HS1BP3: variants seen among roughly 807,000 people sequenced by gnomAD.
HS1BP3 encodes HCLS1-binding protein 3.
Under a neutral mutation model 33.5 loss-of-function variants are expected in HS1BP3, and 32 were observed. The observed-to-expected ratio is 0.95, with a 90% confidence interval of 0.72 to 1.28. The LOEUF is 1.28. Among genes scored for constraint, HS1BP3 ranks in the 50% most tolerant of loss-of-function variants. The probability of loss-of-function intolerance (pLI) is 0.00; values close to 1 mark genes in which losing one functional copy is unlikely to be tolerated. For synonymous variants in HS1BP3, 187 were observed against 209.2 expected (o/e 0.89, Z 0.92); for missense variants, 486 against 502.3 (o/e 0.97, Z 0.31).
intron 5 of HS1BP3, among the ~76,000 whole-genome samples, chr2:20,573,450 C>A (rs57818033): frequency 0.12 from 18,035 of 152,240 alleles, 1,753 homozygotes; most frequent in African/African-American, 0.28. Flanking sequence ...GGAGACCCCC[C>A]AAGCCCCTAA....
intron 2 of HS1BP3, among the ~76,000 whole-genome samples, chr2:20,644,703 A>G (rs1695462608): frequency 1.3e-5 from 2 of 152,112 alleles, no homozygotes; most frequent in Admixed American, 6.5e-5. Context: ...GGGCTCCCTG[A>G]CACCTGTTTT....
downstream of HS1BP3, chr2:20,592,364 CG>C (rs1339227824): frequency 2.3e-5 from 3 of 131,836 alleles, no homozygotes; most frequent in East Asian, 8.7e-4. Context: ...CTTCCCCTTT[CG>C]GGCCTGTCCC....
chr2:20,613,170 A>T (rs928206829), downstream of HS1BP3, among the ~76,000 whole-genome samples: 2 of 152,244 alleles, frequency 1.3e-5, no homozygotes, highest in Non-Finnish European at 2.9e-5. Context: ...GACCTAGAGC[A>T]CTTGTTAGGG....
At chr2:20,646,048 C>T (rs762518603) in intron 1 of HS1BP3, among the ~76,000 whole-genome samples, 2 of 152,210 alleles carry the variant, frequency 1.3e-5, no homozygotes, top group African/African-American at 2.4e-5. Flanking sequence ...TCTGGGCAGT[C>T]GATGCTGCCC....
chr2:20,649,918 A>G (rs982935671), intron 1 of HS1BP3, among the ~76,000 whole-genome samples: 1 of 152,174 alleles, frequency 6.6e-6, no homozygotes, highest in African/African-American at 2.4e-5. Context: ...GTCACACCCC[A>G]TCCATCTGCA....
At chr2:20,581,827 T>C (rs1415073504) in intron 5 of HS1BP3, among the ~76,000 whole-genome samples, 4 of 152,230 alleles carry the variant, frequency 2.6e-5, no homozygotes. Context: ...TGCAGCTGTA[T>C]GCTGGGGGCC....
downstream of HS1BP3, among the ~76,000 whole-genome samples, chr2:20,559,723 GAT>G (rs1692942175): frequency 1.1e-4 from 15 of 139,528 alleles, no homozygotes; most frequent in Admixed American, 1.0e-3. Context: ...TGGATGGATG[GAT>G]GGATGGATGG....
At chr2:20,580,529 A>G (rs1693508003) in intron 5 of HS1BP3, among the ~76,000 whole-genome samples, 1 of 151,948 alleles carries the variant, frequency 6.6e-6, no homozygotes, top group South Asian at 2.1e-4. Flanking sequence ...CAAAAAAAGA[A>G]AAAAAAAGAA....
the HS1BP3 span, among the ~76,000 whole-genome samples, chr2:20,555,137 G>A: frequency 6.6e-6 from 1 of 152,348 alleles, no homozygotes; most frequent in East Asian, 1.9e-4. Context: ...TAAGCTCACT[G>A]TGGTATCATC....
chr2:20,570,486 C>T (rs949077284), intron 5 of HS1BP3, among the ~76,000 whole-genome samples: 2 of 152,132 alleles, frequency 1.3e-5, no homozygotes, highest in Non-Finnish European at 2.9e-5. Context: ...CATTGGTACT[C>T]GATGTCGCCT....
rs1015945349 is a variant in HS1BP3 at position 20,617,926 on chromosome 2, G to C, written c.*1061C>G. 2.0e-5 allele frequency: 3 copies of C among 152,672 alleles called. No individual in the cohort carries two copies. The highest frequency in any genetic ancestry group is 7.2e-5 in the African/African-American group (3 of 41,462). The allele number at this position is 152,672 out of a possible 1,614,324, so 9.5% of individuals were successfully genotyped here. A position where few individuals can be genotyped will look rare whatever the true frequency, so the allele number is the denominator to read the frequency against. ...GCTCTGGGGGTCGGGAGAAGTCTAAGGCACGGGCCCTGCCCTGGCGCACGG... is the reference window on the plus strand; with the variant it reads ...GCTCTGGGGGTCGGGAGAAGTCTAACGCACGGGCCCTGCCCTGGCGCACGG... On this transcript the variant is annotated 3_prime_UTR_variant, in exon 7 of 7. Transcript: ENST00000304031.
At chr2:20,576,941 C>T (rs1023813976) in intron 5 of HS1BP3, among the ~76,000 whole-genome samples, 10 of 152,212 alleles carry the variant, frequency 6.6e-5, no homozygotes, top group African/African-American at 2.4e-4. Context: ...TGATGGGGAA[C>T]AGAATTCCCA....
intron 2 of HS1BP3, chr2:20,606,654 T>C (rs1005761257): frequency 4.5e-6 from 2 of 442,246 alleles, no homozygotes; most frequent in South Asian, 1.8e-5. Context: ...TTGGGTGGCA[T>C]TGCAAAGCTC....
chr2:20,624,098 C>T (rs2305459), intron 5 of HS1BP3, 67 bp from the exon 6 acceptor site: 534,816 of 1,561,448 alleles, frequency 0.34, 94,247 homozygotes, highest in Non-Finnish European at 0.37. Context: ...GCTGCTCTCT[C>T]TCTGCCCCAC....
chr2:20,600,279 G>T (rs539097808), intron 2 of HS1BP3, among the ~76,000 whole-genome samples: 4 of 152,314 alleles, frequency 2.6e-5, no homozygotes, highest in African/African-American at 9.6e-5. Context: ...CAGCTCAATA[G>T]GGTCCCAAGG....
chr2:20,624,155 C>CA, intron 5 of HS1BP3, 124 bp from the exon 6 acceptor site: 1 of 1,181,098 alleles, frequency 8.5e-7, no homozygotes, highest in Non-Finnish European at 1.2e-6. Context: ...TGCCTCTGCT[C>CA]AACCTGTCAT....
chr2:20,621,884 A>C (rs895567610), intron 6 of HS1BP3, among the ~76,000 whole-genome samples: 3 of 152,220 alleles, frequency 2.0e-5, no homozygotes, highest in African/African-American at 7.2e-5. Context: ...AGTCATGACT[A>C]GGACTAGCTC....
chr2:20,563,969 C>A (rs1370119635), intron 5 of HS1BP3, among the ~76,000 whole-genome samples: 1 of 152,098 alleles, frequency 6.6e-6, no homozygotes, highest in East Asian at 1.9e-4. Flanking sequence ...AGCAGTGACA[C>A]ATGTGATGAG....
At chr2:20,645,643 T>A (rs931963661) in intron 1 of HS1BP3, 138 bp from the exon 2 acceptor site, 4 of 824,240 alleles carry the variant, frequency 4.9e-6, no homozygotes, top group Non-Finnish European at 7.3e-6. Context: ...TGGTCACTGC[T>A]CCAGGCCACC....
Sources: allele counts gnomAD v4.1 joint callset (sites outside exome capture counted in the v4.1 genomes callset), GRCh38; gene constraint gnomAD v4.1.1; transcripts MANE v1.5; gene names NCBI Gene and HGNC (gene_info 2026-07-23, HGNC 2026-07-21).